Variants in SUFU observed in about 807,000 individuals in gnomAD.
SUFU encodes the protein SUFU negative regulator of hedgehog signaling.
Under a neutral mutation model 58.9 loss-of-function variants are expected in SUFU, and 7 were observed. The ratio of observed to expected loss-of-function variants is 0.12; its 90% confidence interval spans 0.07 to 0.22. The LOEUF (loss-of-function observed/expected upper bound fraction) is 0.22. Among genes scored for constraint, SUFU ranks in the 10% least tolerant of loss-of-function variants. The pLI is 1.00. For synonymous variants in SUFU, 232 were observed against 254.8 expected (o/e 0.91, Z 0.85); for missense variants, 451 against 641.3 (o/e 0.70, Z 3.20).
chr10:102,549,677 T>C (rs905386374), intron 2 of SUFU, among the ~76,000 whole-genome samples: 11 of 152,214 alleles, frequency 7.2e-5, no homozygotes, highest in African/African-American at 2.7e-4. Flanking sequence ...CAGGAAGGAA[T>C]GTTCCAGAGC....
At chr10:102,544,946 T>G (rs1479452048) in intron 2 of SUFU, among the ~76,000 whole-genome samples, 1 of 152,210 alleles carries the variant, frequency 6.6e-6, no homozygotes, top group African/African-American at 2.4e-5. Context: ...GTATGCATAC[T>G]TCATTCTTTT....
At chr10:102,536,426 C>A (rs1354178052) in intron 2 of SUFU, among the ~76,000 whole-genome samples, 1 of 138,206 alleles carries the variant, frequency 7.2e-6, no homozygotes, top group Non-Finnish European at 1.5e-5. Flanking sequence ...TGCAGTGGTG[C>A]AATCTCGGCG....
At chr10:102,526,198 G>A (rs979758938) in intron 2 of SUFU, among the ~76,000 whole-genome samples, 3 of 152,106 alleles carry the variant, frequency 2.0e-5, no homozygotes, top group African/African-American at 7.2e-5. Flanking sequence ...TTGTGCCTGT[G>A]AATAGCCACT....
intron 8 of SUFU, among the ~76,000 whole-genome samples, chr10:102,610,850 A>G (rs1173755764): frequency 1.3e-5 from 2 of 152,216 alleles, no homozygotes; most frequent in South Asian, 2.1e-4. Context: ...TCAGCCAGAC[A>G]TATGGGGGAG....
At chr10:102,545,131 C>T (rs1312486336) in intron 2 of SUFU, among the ~76,000 whole-genome samples, 3 of 149,654 alleles carry the variant, frequency 2.0e-5, no homozygotes, top group African/African-American at 7.4e-5. Context: ...TTTTTTTAGA[C>T]AAGGTCTTAC....
rs1439252640 is a variant in SUFU, at chr10:102,619,614, G to A, written c.1296+2186G>A. On this transcript the variant is annotated intron_variant, in intron 10 of 11. Transcript: ENST00000369902. This position sits in a 1 kb window ranked among gnomAD's most constrained non-coding sequence, Gnocchi z 4.2. ...TCAGGCCCTTTCCAAGGAGCCCTGG[G>A]AAACCCTCTGACCCTGCCCCCAGCC... is the stretch of plus-strand genomic sequence containing the variant. Among the ~76,000 whole-genome samples, 1 of 152,134 alleles carries A rather than the reference G, an allele frequency of 6.6e-6. No individual in the cohort carries two copies. The highest frequency in any genetic ancestry group is 1.9e-4 in the East Asian group (1 of 5,192).
intron 1 of SUFU, among the ~76,000 whole-genome samples, chr10:102,504,652 G>T (rs2062301176): frequency 6.6e-6 from 1 of 150,926 alleles, no homozygotes; most frequent in Non-Finnish European, 1.5e-5. Flanking sequence ...GGCGCCTGTA[G>T]GGGGTCATTA....
Position 102,625,569 on chromosome 10 carries a change from G to A in SUFU, c.1297-1606G>A, listed in dbSNP as rs770060259. ...TCCTGGGGGTGAGAGTTCAGCATTC[G>A]GGAGCAGTACTCCAGGCACTAAATT... On this transcript the variant is annotated intron_variant, in intron 10 of 11. Coordinates refer to ENST00000369902, the MANE Select transcript of SUFU (RefSeq NM_016169.4). This position sits in a 1 kb window ranked among gnomAD's most constrained non-coding sequence, Gnocchi z 4.7. 4.6e-5 allele frequency among the ~76,000 whole-genome samples: 7 copies of A among 152,084 alleles called. No individual in the cohort carries two copies. The highest frequency in any genetic ancestry group is 5.9e-5 in the Non-Finnish European group (4 of 68,018).
intron 2 of SUFU, among the ~76,000 whole-genome samples, chr10:102,546,310 C>T (rs764386992): frequency 1.3e-5 from 2 of 152,066 alleles, no homozygotes; most frequent in Non-Finnish European, 2.9e-5. Context: ...TGCAATAAGA[C>T]AGTTAGAACC....
intron 1 of SUFU, among the ~76,000 whole-genome samples, chr10:102,506,630 C>T (rs762881134): frequency 1.3e-4 from 20 of 152,226 alleles, no homozygotes; most frequent in African/African-American, 3.4e-4. Flanking sequence ...CAACCCACCT[C>T]GGCCTCCCAA....
At chr10:102,573,762 T>TAA (rs1195032330) in intron 3 of SUFU, among the ~76,000 whole-genome samples, 1 of 152,188 alleles carries the variant, frequency 6.6e-6, no homozygotes, top group African/African-American at 2.4e-5. Flanking sequence ...TCCACTTACA[T>TAA]AAGGTACTTA....
chr10:102,611,488 C>T (rs1446886286), intron 8 of SUFU, among the ~76,000 whole-genome samples: 1 of 152,244 alleles, frequency 6.6e-6, no homozygotes, highest in Non-Finnish European at 1.5e-5. Flanking sequence ...AGCCCCATCT[C>T]AGAAGTACCC....
At chr10:102,520,132 A>C (rs1187576510) in intron 2 of SUFU, among the ~76,000 whole-genome samples, 1 of 151,856 alleles carries the variant, frequency 6.6e-6, no homozygotes, top group Non-Finnish European at 1.5e-5. Flanking sequence ...TTGGGGAACC[A>C]ATATTGATAC....
chr10:102,513,201 G>T (rs114420887), intron 2 of SUFU, among the ~76,000 whole-genome samples: 1 of 152,046 alleles, frequency 6.6e-6, no homozygotes, highest in Non-Finnish European at 1.5e-5. Context: ...CACACATTTC[G>T]TAATGGTGGG....
chr10:102,602,913 G>A (rs751156545), intron 8 of SUFU, among the ~76,000 whole-genome samples: 1 of 152,130 alleles, frequency 6.6e-6, no homozygotes, highest in African/African-American at 2.4e-5. Context: ...GCTTGCTGGC[G>A]CCTCCCTTCC....
chr10:102,548,435 G>T (rs2062876176), intron 2 of SUFU, among the ~76,000 whole-genome samples: 1 of 152,066 alleles, frequency 6.6e-6, no homozygotes, highest in African/African-American at 2.4e-5. Flanking sequence ...AAGATGCCAC[G>T]TGGAATTCTA....
At chr10:102,555,915 TAGTG>T (rs2062971091) in intron 3 of SUFU, among the ~76,000 whole-genome samples, 1 of 152,224 alleles carries the variant, frequency 6.6e-6, no homozygotes, top group African/African-American at 2.4e-5. Flanking sequence ...CCTACGTACA[TAGTG>T]TTGTAATTCT....
intron 3 of SUFU, among the ~76,000 whole-genome samples, chr10:102,576,477 A>G (rs1443491080): frequency 6.6e-6 from 1 of 152,096 alleles, no homozygotes; most frequent in Non-Finnish European, 1.5e-5. Context: ...TAATTTAACT[A>G]TTCCCCTGGT....
At position 102,534,615 on chromosome 10, in the gene SUFU, T is replaced by G. The variant is rs7909939; in HGVS notation, c.318-15355T>G. 4.3e-3 allele frequency among the ~76,000 whole-genome samples: 661 copies of G among 152,310 alleles called. 7 individuals carry two copies. Among genetic ancestry groups the G allele is most frequent in the African/African-American group, 0.015 (629 of 41,588 alleles). On this transcript the variant is annotated intron_variant, in intron 2 of 11. Transcript: ENST00000369902. ...TGCGTAGGTGTAAGGGGCAGAGCAGTGGCTAGTCCTGGGGCATCATGGGGC... is the reference window on the plus strand; with the variant it reads ...TGCGTAGGTGTAAGGGGCAGAGCAGGGGCTAGTCCTGGGGCATCATGGGGC...
Sources: gnomAD v4.1 joint callset for allele counts (sites outside exome capture counted in the v4.1 genomes callset) on GRCh38, gnomAD v4.1.1 for gene constraint, Gnocchi (gnomAD v3.1) non-coding constraint, MANE v1.5 for transcripts, NCBI Gene and HGNC (gene_info 2026-07-23, HGNC 2026-07-21) for gene names.